LYPD6: variants seen among roughly 807,000 people sequenced by gnomAD.
The protein encoded by LYPD6 is LY6/PLAUR domain containing 6.
LYPD6 carries 15 observed loss-of-function variants against 22.7 expected under a neutral mutation model. The ratio of observed to expected loss-of-function variants is 0.66; its 90% CI spans 0.44 to 1.02. The LOEUF (loss-of-function observed/expected upper bound fraction) is 1.02. LYPD6 is among the 50% of genes least tolerant of loss of function. LYPD6 has a pLI of 0.00. For synonymous variants in LYPD6, 72 were observed against 77.5 expected, an observed-to-expected ratio of 0.93 and a Z score of 0.37; for missense variants, 189 against 208.4, an observed-to-expected ratio of 0.91 and a Z score of 0.57.
At chr2:149,442,552 G>A (rs1009067081) in intron 2 of LYPD6, among the ~76,000 whole-genome samples, 11 of 151,658 alleles carry the variant, frequency 7.3e-5, no homozygotes, top group African/African-American at 2.7e-4. Flanking sequence ...CACAGCTGGG[G>A]CCACAACAAT....
chr2:149,371,151 G>C (rs1239716413), intron 1 of LYPD6, among the ~76,000 whole-genome samples: 1 of 152,178 alleles, frequency 6.6e-6, no homozygotes, highest in African/African-American at 2.4e-5. Context: ...CTGCAGCCTT[G>C]ACCTCTCAGT....
chr2:149,448,899 A>C, intron 2 of LYPD6, 150 bp from the exon 3 acceptor site: 3 of 581,064 alleles, frequency 5.2e-6, no homozygotes. Context: ...GCCCAAGAGT[A>C]AAGTTGCTGG....
chr2:149,473,212 G>C lies in LYPD6; in HGVS notation c.*2362G>C, dbSNP rs1196666. ...CACCAAAGCCTCCCTGGCTGGTGTA[G>C]AGGGATCAGGTCCACAGTGGTGCAG... On this transcript the variant is annotated 3_prime_UTR_variant, in exon 5 of 5. Transcript: ENST00000334166. The C allele has an allele frequency of 0.9, 137,661 of 152,742 alleles. 62,032 individuals carry two copies. Among genetic ancestry groups the C allele is most frequent in the East Asian group, 1 (5,156 of 5,180 alleles). The allele number at this position is 152,742 out of a possible 1,614,324, so 9.5% of individuals were successfully genotyped here.
intron 4 of LYPD6, among the ~76,000 whole-genome samples, chr2:149,470,319 T>A (rs528985197): frequency 4.9e-4 from 74 of 152,328 alleles, no homozygotes; most frequent in African/African-American, 1.7e-3. Context: ...TTACCCTCTC[T>A]TCCTCAAGTA....
chr2:149,482,841 A>T, the LYPD6 span, among the ~76,000 whole-genome samples: 1 of 152,154 alleles, frequency 6.6e-6, no homozygotes, highest in African/African-American at 2.4e-5. Flanking sequence ...TCCACAGGAG[A>T]TCTGACCACA....
At chr2:149,330,532 A>G (rs1680912207), upstream of LYPD6, 1 of 148,698 alleles carries the variant, frequency 6.7e-6, no homozygotes, top group African/African-American at 2.5e-5. Flanking sequence ...GCCCGGCGCG[A>G]GTGGGAGTGG....
chr2:149,437,078 A>T (rs1235366423), intron 1 of LYPD6, among the ~76,000 whole-genome samples: 1 of 152,204 alleles, frequency 6.6e-6, no homozygotes, highest in African/African-American at 2.4e-5. Context: ...GGATATACAT[A>T]AAGGACTTCA....
chr2:149,387,846 G>A (rs1682221261), intron 1 of LYPD6, among the ~76,000 whole-genome samples: 2 of 152,226 alleles, frequency 1.3e-5, no homozygotes, highest in African/African-American at 4.8e-5. Flanking sequence ...TGCATGTAGT[G>A]CATAAAACCA....
Position 149,472,254 on chromosome 2 carries a change from C to T in LYPD6, c.*1404C>T, listed in dbSNP as rs147189771. On this transcript the variant is annotated 3_prime_UTR_variant, in exon 5 of 5. Coordinates refer to ENST00000334166, the MANE Select transcript of LYPD6 (RefSeq NM_194317.5). ...TATTGAAAGTTATCTATAATACTTG[C>T]ACCAGTGTTGAAAAAAGTTAACATG... 1.3e-5 allele frequency: 2 copies of T among 152,272 alleles called. No individual in the cohort carries two copies. Among genetic ancestry groups the T allele is most frequent in the Non-Finnish European group, 2.9e-5 (2 of 68,014 alleles). The allele number at this position is 152,272 out of a possible 1,614,324, so 9.4% of individuals were successfully genotyped here.
At chr2:149,366,394 C>T (rs1319585952) in intron 1 of LYPD6, among the ~76,000 whole-genome samples, 1 of 152,272 alleles carries the variant, frequency 6.6e-6, no homozygotes, top group East Asian at 1.9e-4. Context: ...GACTGGTTGC[C>T]ACCAACTCTG....
chr2:149,377,312 G>GA (rs112361141), intron 1 of LYPD6, among the ~76,000 whole-genome samples: 106 of 146,084 alleles, frequency 7.3e-4, no homozygotes, highest in Non-Finnish European at 9.1e-4. Flanking sequence ...TTAATCACTG[G>GA]AAAAAAAAAA....
intron 1 of LYPD6, among the ~76,000 whole-genome samples, chr2:149,346,846 A>G (rs1681265373): frequency 6.6e-6 from 1 of 152,240 alleles, no homozygotes; most frequent in East Asian, 1.9e-4. Flanking sequence ...GACTACAGGC[A>G]AGTGCCACCA....
At chr2:149,331,899 C>T (rs1164070250) in intron 1 of LYPD6, among the ~76,000 whole-genome samples, 1 of 152,142 alleles carries the variant, frequency 6.6e-6, no homozygotes, top group African/African-American at 2.4e-5. Context: ...TTGCAGATGC[C>T]ATGATATTAT....
chr2:149,474,216 C>G (rs1027647320), downstream of LYPD6: 1 of 151,838 alleles, frequency 6.6e-6, no homozygotes, highest in Non-Finnish European at 1.5e-5. Flanking sequence ...TTTTTTGAGA[C>G]AGCAGGGTCT....
chr2:149,408,670 T>G (rs1682784283), intron 1 of LYPD6, among the ~76,000 whole-genome samples: 1 of 152,202 alleles, frequency 6.6e-6, no homozygotes, highest in East Asian at 1.9e-4. Flanking sequence ...AGCTCTGAAG[T>G]TCTTTCTTCT....
chr2:149,410,596 C>T (rs1012118851), intron 1 of LYPD6, among the ~76,000 whole-genome samples: 1 of 152,078 alleles, frequency 6.6e-6, no homozygotes, highest in Non-Finnish European at 1.5e-5. Context: ...AGTTAATCCT[C>T]TATTCCCCAT....
chr2:149,437,032 T>C (rs1159855025), intron 1 of LYPD6, among the ~76,000 whole-genome samples: 1 of 152,240 alleles, frequency 6.6e-6, no homozygotes, highest in African/African-American at 2.4e-5. Flanking sequence ...GGGTTAATAA[T>C]TATGCCTACC....
intron 1 of LYPD6, among the ~76,000 whole-genome samples, chr2:149,427,241 A>G (rs72992917): frequency 0.025 from 3,764 of 152,278 alleles, 148 homozygotes; most frequent in African/African-American, 0.084. Flanking sequence ...TAGAACTACT[A>G]TATTGTTTCT....
intron 1 of LYPD6, among the ~76,000 whole-genome samples, chr2:149,434,573 GTGA>G (rs1292735862): frequency 6.6e-6 from 1 of 152,164 alleles, no homozygotes; most frequent in Non-Finnish European, 1.5e-5. Flanking sequence ...TTTAGCAGAT[GTGA>G]TGATGTTTTT....
Sources: allele counts gnomAD v4.1 joint callset (sites outside exome capture counted in the v4.1 genomes callset), GRCh38; gene constraint gnomAD v4.1.1; transcripts MANE v1.5; gene names NCBI Gene and HGNC (gene_info 2026-07-23, HGNC 2026-07-21).